AOPEP: variants seen among roughly 807,000 people sequenced by gnomAD.
The protein encoded by AOPEP is aminopeptidase O.
A neutral mutation model predicts 98.1 loss-of-function variants in AOPEP; 77 were observed. That is an observed-to-expected ratio of 0.78 (90% CI 0.65 to 0.95). AOPEP has a LOEUF of 0.95. Ranked by LOEUF, AOPEP falls within the 40% of genes least tolerant of loss-of-function variation. The pLI is 0.00. For missense variants in AOPEP, 1,024 were observed against 1,024.7 expected, an observed-to-expected ratio of 1.00 and a Z score of 0.01; for synonymous variants, 346 against 365.3, an observed-to-expected ratio of 0.95 and a Z score of 0.60.
chr9:94,839,031 C>G (rs1389822620), intron 5 of AOPEP, among the ~76,000 whole-genome samples: 1 of 150,662 alleles, frequency 6.6e-6, no homozygotes, highest in African/African-American at 2.4e-5. Flanking sequence ...CTGCCTCAGC[C>G]TCCCGAGTAG....
At chr9:94,951,807 G>C (rs1002441566) in intron 7 of AOPEP, among the ~76,000 whole-genome samples, 4 of 152,188 alleles carry the variant, frequency 2.6e-5, no homozygotes, top group Admixed American at 6.5e-5. Flanking sequence ...GCTGCCTCAT[G>C]GTTGCAAGAT....
the AOPEP span, chr9:95,107,181 T>C: frequency 6.2e-7 from 1 of 1,614,200 alleles, no homozygotes; most frequent in South Asian, 1.1e-5. Flanking sequence ...GTCTGTGCCC[T>C]GTCCTGCTAC....
chr9:94,957,023 C>T (rs1027663662), intron 9 of AOPEP, among the ~76,000 whole-genome samples: 3 of 152,182 alleles, frequency 2.0e-5, no homozygotes, highest in Admixed American at 1.3e-4. Context: ...AGAAGTCTTA[C>T]ATGCTTGGTT....
intron 13 of AOPEP, among the ~76,000 whole-genome samples, chr9:95,030,999 T>C (rs926448960): frequency 7.9e-5 from 12 of 152,230 alleles, no homozygotes; most frequent in Non-Finnish European, 1.0e-4. Context: ...ACTGATACTT[T>C]GCCTCCTCTC....
intron 13 of AOPEP, among the ~76,000 whole-genome samples, chr9:95,044,644 A>T (rs10761370): frequency 0.49 from 74,912 of 152,060 alleles, 18,529 homozygotes; most frequent in East Asian, 0.63. Flanking sequence ...GAGGGCTGAG[A>T]AGGCTGCAGA....
chr9:94,912,863 A>T (rs1024159276), intron 5 of AOPEP, among the ~76,000 whole-genome samples: 1 of 152,224 alleles, frequency 6.6e-6, no homozygotes, highest in Admixed American at 6.5e-5. Flanking sequence ...GGAGTATAGC[A>T]AGTCCTCCAG....
chr9:94,903,162 G>A (rs544241515), intron 5 of AOPEP, among the ~76,000 whole-genome samples: 3 of 151,618 alleles, frequency 2.0e-5, no homozygotes, highest in South Asian at 4.2e-4. Flanking sequence ...TGTCTTTTTT[G>A]TGGAGAGACG....
intron 5 of AOPEP, among the ~76,000 whole-genome samples, chr9:94,880,732 G>A (rs925614724): frequency 6.6e-6 from 1 of 152,160 alleles, no homozygotes; most frequent in African/African-American, 2.4e-5. Context: ...ATTTACTGAC[G>A]TGTCCTTAAC....
chr9:95,148,015 T>G, the AOPEP span, among the ~76,000 whole-genome samples: 1 of 152,192 alleles, frequency 6.6e-6, no homozygotes, highest in Non-Finnish European at 1.5e-5. Context: ...TGTTGACATT[T>G]GCACTGATAG....
At chr9:95,012,987 TG>T (rs567654479) in intron 13 of AOPEP, among the ~76,000 whole-genome samples, 4,700 of 62,642 alleles carry the variant, frequency 0.075, 386 homozygotes, top group African/African-American at 0.17. Flanking sequence ...GTTTTTTTTT[TG>T]GGGGGGGGGG....
At chr9:94,960,942 G>A (rs1271438896) in intron 9 of AOPEP, among the ~76,000 whole-genome samples, 2 of 151,774 alleles carry the variant, frequency 1.3e-5, no homozygotes, top group African/African-American at 4.9e-5. Flanking sequence ...AACCCGGGAG[G>A]CGGAGCTTGC....
chr9:94,848,451 CAAA>C (rs35685082), intron 5 of AOPEP, among the ~76,000 whole-genome samples: 2 of 75,798 alleles, frequency 2.6e-5, no homozygotes, highest in Non-Finnish European at 4.6e-5. Context: ...GACTCCGTCT[CAAA>C]AAAAAAAAAA....
intron 1 of AOPEP, among the ~76,000 whole-genome samples, chr9:94,743,142 A>G (rs1166834668): frequency 6.6e-6 from 1 of 151,442 alleles, no homozygotes; most frequent in Non-Finnish European, 1.5e-5. Flanking sequence ...CTTTTTTAAT[A>G]AACTTGCTTT....
intron 13 of AOPEP, among the ~76,000 whole-genome samples, chr9:95,047,934 G>T (rs1587786874): frequency 6.6e-6 from 1 of 152,294 alleles, no homozygotes. Context: ...TGCTGATTAA[G>T]AATTGTATAA....
In AOPEP at chr9:94,800,837, A is replaced by C; in HGVS notation, c.1199A>C (p.His400Pro). The change falls in exon 5 of 17, where the codon CAT becomes CCT. Residue 400 changes from histidine (H) to proline (P), a missense_variant. Coordinates refer to ENST00000375315, the MANE Select transcript of AOPEP (RefSeq NM_001193329.3). ...ASATTQEIIP[H>P]RVFAPVCLTG... The stretch of plus-strand genomic sequence containing the variant: ...GCCACCACCCAGGAGATCATTCCTC[A>C]TCGGGTCTTTGCCCCTGTGTGCCTC... 6.2e-7 allele frequency: 1 copy of C among 1,614,198 alleles called. No individual in the cohort carries two copies. The highest frequency in any genetic ancestry group is 8.5e-7 in the Non-Finnish European group (1 of 1,180,042).
At chr9:94,883,258 G>C (rs987131339) in intron 5 of AOPEP, among the ~76,000 whole-genome samples, 1 of 152,140 alleles carries the variant, frequency 6.6e-6, no homozygotes, top group African/African-American at 2.4e-5. Flanking sequence ...AAAAACTTTA[G>C]ACACATTTAA....
chr9:95,005,738 A>AT, intron 13 of AOPEP, 122 bp downstream of exon 13: 1 of 737,466 alleles, frequency 1.4e-6, no homozygotes, highest in Non-Finnish European at 2.4e-6. Flanking sequence ...AATAAACCAT[A>AT]GATTTAATAT....
intron 5 of AOPEP, among the ~76,000 whole-genome samples, chr9:94,805,065 G>A (rs1038735537): frequency 4.6e-5 from 7 of 152,170 alleles, no homozygotes; most frequent in Non-Finnish European, 7.3e-5. Flanking sequence ...CCTTAGCCCC[G>A]TTCTTAGTGA....
chr9:95,046,556 A>C (rs2065882931), intron 13 of AOPEP, among the ~76,000 whole-genome samples: 1 of 152,376 alleles, frequency 6.6e-6, no homozygotes, highest in East Asian at 1.9e-4. Context: ...CATAAAGCTT[A>C]TTAGTGTTCT....
Sources: allele counts gnomAD v4.1 joint callset (sites outside exome capture counted in the v4.1 genomes callset), GRCh38; gene constraint gnomAD v4.1.1; transcripts MANE v1.5; gene names NCBI Gene and HGNC (gene_info 2026-07-23, HGNC 2026-07-21).